Variants in RHOJ observed in about 807,000 individuals in gnomAD.
RHOJ encodes ras homolog family member J.
A neutral mutation model predicts 23.4 loss-of-function variants in RHOJ; 11 were observed. That is an observed-to-expected ratio of 0.47 (90% confidence interval 0.30 to 0.78). The LOEUF (loss-of-function observed/expected upper bound fraction) is 0.78, where lower values mean the gene tolerates loss of function less well. RHOJ is among the 30% of genes least tolerant of loss of function. The probability of loss-of-function intolerance (pLI) is 0.08; values close to 1 mark genes in which losing one functional copy is unlikely to be tolerated. For missense variants in RHOJ, 254 were observed against 273.4 expected (o/e 0.93, Z 0.50); for synonymous variants, 102 against 102.7 (o/e 0.99, Z 0.04).
At chr14:63,217,936 A>T (rs963421250) in intron 1 of RHOJ, among the ~76,000 whole-genome samples, 4 of 152,102 alleles carry the variant, frequency 2.6e-5, no homozygotes, top group Non-Finnish European at 5.9e-5. Context: ...CAGGATGTAA[A>T]CTCTAAATAT....
At chr14:63,285,952 G>A (rs986855181) in intron 4 of RHOJ, among the ~76,000 whole-genome samples, 1 of 152,026 alleles carries the variant, frequency 6.6e-6, no homozygotes, top group African/African-American at 2.4e-5. Context: ...TAATCTCTGG[G>A]TTCTCTTTGC....
intron 1 of RHOJ, among the ~76,000 whole-genome samples, chr14:63,236,970 T>C (rs1287697419): frequency 6.6e-6 from 1 of 152,188 alleles, no homozygotes; most frequent in Non-Finnish European, 1.5e-5. Flanking sequence ...GTAAATTCTA[T>C]GCAAATAGTT....
At chr14:63,266,953 C>T (rs1895378874) in intron 1 of RHOJ, among the ~76,000 whole-genome samples, 1 of 152,172 alleles carries the variant, frequency 6.6e-6, no homozygotes, top group African/African-American at 2.4e-5. Context: ...AGCAGTGCCC[C>T]TGCCGCAAGC....
At chr14:63,285,806 C>G (rs1882065079) in intron 4 of RHOJ, among the ~76,000 whole-genome samples, 2 of 152,174 alleles carry the variant, frequency 1.3e-5, no homozygotes, top group Admixed American at 1.3e-4. Flanking sequence ...CTGGATGCTA[C>G]ACTGTTTAGC....
intron 2 of RHOJ, among the ~76,000 whole-genome samples, chr14:63,275,520 A>C (rs374585520): frequency 2.6e-5 from 4 of 151,978 alleles, no homozygotes; most frequent in African/African-American, 9.7e-5. Flanking sequence ...ACCCACAGTC[A>C]CCCCAGAGCA....
chr14:63,220,498 C>A (rs1459302176), intron 1 of RHOJ, among the ~76,000 whole-genome samples: 3 of 149,100 alleles, frequency 2.0e-5, no homozygotes, highest in Admixed American at 1.3e-4. Context: ...AAAAAAACAA[C>A]AACCAACCAA....
intron 1 of RHOJ, among the ~76,000 whole-genome samples, chr14:63,241,474 A>G (rs1250942993): frequency 6.6e-6 from 1 of 152,150 alleles, no homozygotes; most frequent in African/African-American, 2.4e-5. Context: ...TGGCTTGCCA[A>G]TAGTTTTTGG....
chr14:63,288,969 A>G (rs1470937200), intron 4 of RHOJ, among the ~76,000 whole-genome samples: 1 of 152,198 alleles, frequency 6.6e-6, no homozygotes, highest in Non-Finnish European at 1.5e-5. Flanking sequence ...TTACTGCCAC[A>G]GAGCAAGGAA....
At chr14:63,220,192 G>A (rs1346175819) in intron 1 of RHOJ, among the ~76,000 whole-genome samples, 1 of 152,002 alleles carries the variant, frequency 6.6e-6, no homozygotes, top group African/African-American at 2.4e-5. Flanking sequence ...ATAAAATTAA[G>A]TAATATTTTT....
At chr14:63,207,197 A>G (rs1464984097) in intron 1 of RHOJ, among the ~76,000 whole-genome samples, 4 of 151,896 alleles carry the variant, frequency 2.6e-5, no homozygotes, top group African/African-American at 9.7e-5. Context: ...ATGCCTGGCT[A>G]ATTTTTGTAT....
intron 1 of RHOJ, among the ~76,000 whole-genome samples, chr14:63,260,755 G>C (rs1895257381): frequency 6.6e-6 from 1 of 152,094 alleles, no homozygotes; most frequent in Non-Finnish European, 1.5e-5. Context: ...TGATTGTTGA[G>C]TGTGTAAATG....
chr14:63,219,847 C>A (rs530887629), intron 1 of RHOJ, among the ~76,000 whole-genome samples: 1 of 152,000 alleles, frequency 6.6e-6, no homozygotes, highest in Non-Finnish European at 1.5e-5. Context: ...TTTTCCTCCC[C>A]CTCTGTAGTA....
rs184954732 is a variant in RHOJ at position 63,284,280 on chromosome 14, A to G, written c.498+1064A>G. 2.9e-5 allele frequency: 29 copies of G among 984,954 alleles called. 1 individual carries two copies. The East Asian group carries it at 3.0e-3, about 100-fold the overall frequency. The allele number at this position is 984,954 out of a possible 1,614,324, so 61.0% of individuals were successfully genotyped here. ...AATCATGTTTTTACAGGTATCCTGC[A>G]TGAGAACCTCTCACAACACCTGATC... On this transcript the variant is annotated intron_variant, in intron 4 of 4. Transcript: ENST00000316754.
At chr14:63,235,479 G>A (rs1894772770) in intron 1 of RHOJ, among the ~76,000 whole-genome samples, 1 of 152,216 alleles carries the variant, frequency 6.6e-6, no homozygotes, top group East Asian at 1.9e-4. Flanking sequence ...GTATTTATAG[G>A]TAAAATGTCA....
At chr14:63,220,502 C>T (rs1894467760) in intron 1 of RHOJ, among the ~76,000 whole-genome samples, 1 of 150,876 alleles carries the variant, frequency 6.6e-6, no homozygotes, top group Non-Finnish European at 1.5e-5. Context: ...AAACAACAAC[C>T]AACCAACCAA....
At chr14:63,228,729 T>C (rs1215854361) in intron 1 of RHOJ, among the ~76,000 whole-genome samples, 3 of 152,166 alleles carry the variant, frequency 2.0e-5, no homozygotes, top group Admixed American at 6.5e-5. Flanking sequence ...CAATCATCTA[T>C]TGGAGGTTGT....
At chr14:63,267,982 G>A (rs1189611467) in intron 1 of RHOJ, among the ~76,000 whole-genome samples, 2 of 152,168 alleles carry the variant, frequency 1.3e-5, no homozygotes, top group Non-Finnish European at 2.9e-5. Context: ...AACCTGAAAA[G>A]AAATAAAAGT....
At chr14:63,289,166 T>G (rs1462577093) in intron 4 of RHOJ, among the ~76,000 whole-genome samples, 1 of 152,228 alleles carries the variant, frequency 6.6e-6, no homozygotes, top group Non-Finnish European at 1.5e-5. Flanking sequence ...CATCAGTGTC[T>G]TGCTTGGCCC....
intron 2 of RHOJ, among the ~76,000 whole-genome samples, chr14:63,278,822 C>T (rs1881810422): frequency 6.6e-6 from 1 of 151,386 alleles, no homozygotes; most frequent in African/African-American, 2.4e-5. Flanking sequence ...CCCATCTCTA[C>T]AAAAAAAATA....
Sources: allele counts gnomAD v4.1 joint callset (sites outside exome capture counted in the v4.1 genomes callset), GRCh38; gene constraint gnomAD v4.1.1; transcripts MANE v1.5; gene names NCBI Gene and HGNC (gene_info 2026-07-23, HGNC 2026-07-21).